RGS21: variants seen among roughly 807,000 people sequenced by gnomAD.
RGS21 encodes the protein regulator of G protein signaling 21.
In RGS21, 19 loss-of-function variants were observed where a neutral mutation model predicts 18.7. The ratio of observed to expected loss-of-function variants is 1.01; its 90% confidence interval spans 0.71 to 1.49. The LOEUF (loss-of-function observed/expected upper bound fraction) is 1.49. Ranked by LOEUF, RGS21 falls within the 40% of genes most tolerant of loss-of-function variation. The pLI is 0.00. For synonymous variants in RGS21, 56 were observed against 57.8 expected, an observed-to-expected ratio of 0.97 and a Z score of 0.14; for missense variants, 194 against 176.8, an observed-to-expected ratio of 1.10 and a Z score of -0.55.
intron 1 of RGS21, among the ~76,000 whole-genome samples, chr1:192,341,449 C>T (rs541574303): frequency 1.1e-3 from 163 of 152,172 alleles, no homozygotes; most frequent in Admixed American, 2.6e-3. Flanking sequence ...ATATGGCAAT[C>T]CTTTGTCAAG....
At chr1:192,349,280 G>A (rs1387289736) in intron 3 of RGS21, among the ~76,000 whole-genome samples, 1 of 152,068 alleles carries the variant, frequency 6.6e-6, no homozygotes, top group Non-Finnish European at 1.5e-5. Context: ...TATATTTCAT[G>A]CCCACATGAA....
At chr1:192,320,499 AATGTGT>A (rs371189320) in intron 1 of RGS21, among the ~76,000 whole-genome samples, 45 of 115,200 alleles carry the variant, frequency 3.9e-4, no homozygotes, top group South Asian at 1.9e-3. Context: ...AATGTAAAGG[AATGTGT>A]ATGTGTATGT....
At chr1:192,345,179 GC>G (rs1658928465) in intron 2 of RGS21, among the ~76,000 whole-genome samples, 2 of 151,656 alleles carry the variant, frequency 1.3e-5, no homozygotes, top group South Asian at 4.1e-4. Context: ...ATGCCTTTTT[GC>G]TTTTGGATTA....
chr1:192,366,622 G>T lies in RGS21; in HGVS notation c.*498G>T, dbSNP rs1040030101. ...ATAATGTGGTTATGAAAACTGCTAC[G>T]CCTCTCAAATTATATTTTTTAAATC... On this transcript the variant is annotated 3_prime_UTR_variant, in exon 5 of 5. Transcript: ENST00000417209. 1 of 152,060 alleles carries T rather than the reference G, an allele frequency of 6.6e-6. No individual in the cohort carries two copies. The highest frequency in any genetic ancestry group is 1.5e-5 in the Non-Finnish European group (1 of 68,214). 9.4% of individuals were successfully genotyped at this position (152,060 alleles called of 1,614,324 possible). A position where few individuals can be genotyped will look rare whatever the true frequency, so the allele number is the denominator to read the frequency against.
chr1:192,340,089 A>ACTGT (rs1303672609), intron 1 of RGS21, among the ~76,000 whole-genome samples: 1 of 152,084 alleles, frequency 6.6e-6, no homozygotes, highest in Non-Finnish European at 1.5e-5. Flanking sequence ...CCAATTTTAT[A>ACTGT]CTGTCTGATT....
At chr1:192,356,145 G>C in intron 4 of RGS21, among the ~76,000 whole-genome samples, 1 of 151,768 alleles carries the variant, frequency 6.6e-6, no homozygotes, top group Non-Finnish European at 1.5e-5. Flanking sequence ...ACATCTTCAC[G>C]GGTCCGTGCA....
At chr1:192,321,936 C>G (rs370039176) in intron 1 of RGS21, among the ~76,000 whole-genome samples, 155 of 152,220 alleles carry the variant, frequency 1.0e-3, no homozygotes, top group African/African-American at 3.6e-3. Context: ...AACACACACA[C>G]AGAGATTATA....
In RGS21 at chr1:192,356,986, A is replaced by G. The variant is rs150394675; in HGVS notation, c.255+4773A>G. On this transcript the variant is annotated intron_variant, in intron 4 of 4. Coordinates refer to ENST00000417209, the MANE Select transcript of RGS21 (RefSeq NM_001039152.3). Reference sequence around the variant, plus strand: ...TGGTGCAACTAAGAAAAAGACAGTCATGGTCCCTGAGTAGATCCTTCCCCA... The same window carrying G: ...TGGTGCAACTAAGAAAAAGACAGTCGTGGTCCCTGAGTAGATCCTTCCCCA... Among the ~76,000 whole-genome samples the G allele has an allele frequency of 5.9e-5, 9 of 151,938 alleles. No individual in the cohort carries two copies. The East Asian group carries it at 1.2e-3, about 20-fold the overall frequency.
intron 1 of RGS21, among the ~76,000 whole-genome samples, chr1:192,323,450 A>G (rs1450475923): frequency 1.3e-5 from 2 of 152,116 alleles, no homozygotes; most frequent in East Asian, 3.8e-4. Flanking sequence ...GAAAGTAAAG[A>G]GAAACTGAAA....
chr1:192,332,960 A>C (rs538568946), intron 1 of RGS21, among the ~76,000 whole-genome samples: 50 of 152,144 alleles, frequency 3.3e-4, no homozygotes, highest in African/African-American at 1.1e-3. Flanking sequence ...ATAAAAAAAA[A>C]CCTCAACTGT....
intron 2 of RGS21, 40 bp downstream of exon 2, chr1:192,343,087 TACAAA>T (rs768061376): frequency 6.3e-7 from 1 of 1,595,692 alleles, no homozygotes; most frequent in African/African-American, 1.3e-5. Flanking sequence ...TCAGAAGATG[TACAAA>T]TGAAACACTT....
chr1:192,323,112 C>T (rs1353789327), intron 1 of RGS21, among the ~76,000 whole-genome samples: 3 of 152,064 alleles, frequency 2.0e-5, no homozygotes, highest in African/African-American at 7.2e-5. Context: ...ATTGTATTGA[C>T]ACAAAGGATG....
intron 1 of RGS21, among the ~76,000 whole-genome samples, chr1:192,324,891 G>T (rs1367451576): frequency 6.6e-6 from 1 of 151,960 alleles, no homozygotes; most frequent in Non-Finnish European, 1.5e-5. Context: ...TTGAAAAATA[G>T]GAAATTGATG....
intron 1 of RGS21, among the ~76,000 whole-genome samples, chr1:192,341,542 T>C (rs908622606): frequency 2.6e-4 from 40 of 152,236 alleles, no homozygotes; most frequent in Middle Eastern, 3.4e-3. Context: ...GAGGCTTCAT[T>C]TTGATAAATA....
chr1:192,348,448 AAT>A (rs1329291386), intron 3 of RGS21, among the ~76,000 whole-genome samples: 2 of 152,230 alleles, frequency 1.3e-5, no homozygotes, highest in Non-Finnish European at 2.9e-5. Flanking sequence ...CAAAATAAAA[AAT>A]ATTTTAAAGT....
chr1:192,334,309 G>T (rs559208623), intron 1 of RGS21, among the ~76,000 whole-genome samples: 1 of 152,082 alleles, frequency 6.6e-6, no homozygotes, highest in Admixed American at 6.5e-5. Flanking sequence ...CTTTAAAGAA[G>T]AGATAATAAA....
Position 192,323,216 on chromosome 1 carries a change from C to T in RGS21, c.-61+6111C>T, listed in dbSNP as rs114514522. ...GTCACTCCTTGTTTTACCCCACAAA[C>T]GCAGTTGCCTCTTTCTGCCTTTGCA... On this transcript the variant is annotated intron_variant, in intron 1 of 4. Transcript: ENST00000417209. Among the ~76,000 whole-genome samples, 486 of 152,230 alleles carry T rather than the reference C, an allele frequency of 3.2e-3. 1 individual carries two copies. Among genetic ancestry groups the T allele is most frequent in the Admixed American group, 6.8e-3 (104 of 15,250 alleles).
intron 3 of RGS21, among the ~76,000 whole-genome samples, chr1:192,350,214 C>T (rs555734183): frequency 6.6e-6 from 1 of 152,230 alleles, no homozygotes; most frequent in East Asian, 1.9e-4. Context: ...TACCTGATAA[C>T]CTTTTGCAAT....
intron 1 of RGS21, among the ~76,000 whole-genome samples, chr1:192,324,367 A>G (rs1658536988): frequency 6.6e-6 from 1 of 152,174 alleles, no homozygotes; most frequent in East Asian, 1.9e-4. Flanking sequence ...AGATTTCTCT[A>G]TTGAAAGAGA....
Sources: allele counts gnomAD v4.1 joint callset (sites outside exome capture counted in the v4.1 genomes callset), GRCh38; gene constraint gnomAD v4.1.1; transcripts MANE v1.5; gene names NCBI Gene and HGNC (gene_info 2026-07-23, HGNC 2026-07-21).